The following HVCN1 variants were observed in gnomAD, a reference collection of about 807,000 sequenced individuals.
HVCN1 encodes voltage-gated hydrogen channel 1.
HVCN1 carries 14 observed loss-of-function variants against 29.2 expected under a neutral mutation model. That is an observed-to-expected ratio of 0.48 (90% CI 0.32 to 0.75). The LOEUF is 0.75. HVCN1 is among the 30% of genes least tolerant of loss of function. HVCN1 has a pLI of 0.04. For synonymous variants in HVCN1, 131 were observed against 133.2 expected (o/e 0.98, Z 0.11); for missense variants, 263 against 341.8 (o/e 0.77, Z 1.82).
At chr12:110,683,485 G>A (rs545567892) in intron 2 of HVCN1, among the ~76,000 whole-genome samples, 4 of 152,114 alleles carry the variant, frequency 2.6e-5, no homozygotes, top group Admixed American at 1.3e-4. Flanking sequence ...ATTTGTACAC[G>A]AAAGTTCATA....
At chr12:110,702,973 A>C (rs1439467276) in intron 1 of HVCN1, among the ~76,000 whole-genome samples, 1 of 152,036 alleles carries the variant, frequency 6.6e-6, no homozygotes. Flanking sequence ...TTTTTAGTAG[A>C]GTCAGGGTTT....
At chr12:110,675,413 C>T (rs775461217) in intron 3 of HVCN1, among the ~76,000 whole-genome samples, 6 of 151,482 alleles carry the variant, frequency 4.0e-5, no homozygotes, top group South Asian at 2.1e-4. Flanking sequence ...GAGCCAAGAT[C>T]GTGCCACTGC....
chr12:110,703,426 T>A (rs189277168), intron 1 of HVCN1, among the ~76,000 whole-genome samples: 62 of 151,456 alleles, frequency 4.1e-4, no homozygotes, highest in African/African-American at 1.4e-3. Context: ...TTAAAAAAAA[T>A]TTAAAAAATC....
At chr12:110,671,552 C>T (rs750845347) in intron 3 of HVCN1, among the ~76,000 whole-genome samples, 12 of 152,088 alleles carry the variant, frequency 7.9e-5, no homozygotes, top group African/African-American at 2.7e-4. Context: ...GTTGTTGAAG[C>T]CCCCCAGTTT....
At chr12:110,655,828 C>T (rs2067972293) in intron 4 of HVCN1, among the ~76,000 whole-genome samples, 1 of 152,022 alleles carries the variant, frequency 6.6e-6, no homozygotes, top group African/African-American at 2.4e-5. Flanking sequence ...CTTCAGCCTC[C>T]CGAGTAGCTG....
chr12:110,657,163 G>A (rs2136276507), intron 4 of HVCN1, among the ~76,000 whole-genome samples: 1 of 152,318 alleles, frequency 6.6e-6, no homozygotes, highest in Non-Finnish European at 1.5e-5. Context: ...GAGGGGGAAT[G>A]GGGAGTGACT....
intron 3 of HVCN1, among the ~76,000 whole-genome samples, chr12:110,680,249 A>G (rs990495354): frequency 6.6e-6 from 1 of 152,106 alleles, no homozygotes; most frequent in African/African-American, 2.4e-5. Flanking sequence ...GTGATGACAA[A>G]CAGGCTCCAG....
chr12:110,661,134 C>T lies in HVCN1; in HGVS notation c.306+30G>A, dbSNP rs1484818931. 6 of 1,561,932 alleles carry T rather than the reference C, an allele frequency of 3.8e-6. No homozygotes were observed. Among genetic ancestry groups the T allele is most frequent in the Non-Finnish European group, 5.2e-6 (6 of 1,151,776 alleles). On this transcript the variant is annotated intron_variant, in intron 4 of 7. Transcript: ENST00000242607. This position sits in a 1 kb window ranked among gnomAD's most constrained non-coding sequence, Gnocchi z 6.2. ...TTCCCCGATGGCTCTCCTGCCAGCT[C>T]TGGGTATCCCGGACTCCTGCCCCAC...
intron 3 of HVCN1, among the ~76,000 whole-genome samples, chr12:110,674,674 G>A (rs1276682291): frequency 6.6e-6 from 1 of 152,172 alleles, no homozygotes; most frequent in African/African-American, 2.4e-5. Flanking sequence ...CGGGGTTTCT[G>A]CTTTTGCTTC....
chr12:110,698,880 C>T (rs904356338), intron 2 of HVCN1, among the ~76,000 whole-genome samples: 2 of 152,236 alleles, frequency 1.3e-5, no homozygotes, highest in Admixed American at 6.5e-5. Flanking sequence ...GTAATCCCAA[C>T]GCTTTGGGAG....
Position 110,651,212 on chromosome 12 carries a change from C to A in HVCN1, c.643+5G>T, listed in dbSNP as rs374262901. The A allele has an allele frequency of 6.2e-7, 1 of 1,602,830 alleles. No homozygotes were observed. Among genetic ancestry groups the A allele is most frequent in the East Asian group, 2.2e-5 (1 of 44,834 alleles). On this transcript the variant is annotated splice_donor_5th_base_variant and intron_variant, in intron 6 of 7. Transcript: ENST00000242607. The stretch of plus-strand genomic sequence containing the variant: ...ATCCACAGCCTGGGAGTGCAGGAGA[C>A]GTACCATTGATGATCCGGGCCACCC...
rs1288637912 is a variant in HVCN1, at chr12:110,649,034, T to C, written c.*376A>G. 2.0e-6 allele frequency: 1 copy of C among 494,818 alleles called. No individual in the cohort carries two copies. The highest frequency in any genetic ancestry group is 1.6e-5 in the South Asian group (1 of 62,480). The allele number at this position is 494,818 out of a possible 1,614,324, so 30.7% of individuals were successfully genotyped here. A position where few individuals can be genotyped will look rare whatever the true frequency, so the allele number is the denominator to read the frequency against. On this transcript the variant is annotated 3_prime_UTR_variant, in exon 8 of 8. Coordinates refer to ENST00000242607, the MANE Select transcript of HVCN1 (RefSeq NM_032369.4). ...GGCAGCTAAAGTAGCTTCTTTTTCTTTCTTTCAGAATGCTCAGATGCATCA... is the reference window on the plus strand; with the variant it reads ...GGCAGCTAAAGTAGCTTCTTTTTCTCTCTTTCAGAATGCTCAGATGCATCA...
At chr12:110,671,960 A>G (rs573127730) in intron 3 of HVCN1, among the ~76,000 whole-genome samples, 46 of 152,334 alleles carry the variant, frequency 3.0e-4, no homozygotes, top group African/African-American at 1.0e-3. Flanking sequence ...TGACAGAGGC[A>G]GAGGGAAGTG....
At chr12:110,685,618 G>A (rs756335559) in intron 2 of HVCN1, among the ~76,000 whole-genome samples, 3 of 152,064 alleles carry the variant, frequency 2.0e-5, no homozygotes, top group African/African-American at 7.2e-5. Flanking sequence ...GGACATTTAC[G>A]GTTGTTTCCA....
chr12:110,677,136 T>C lies in HVCN1; in HGVS notation c.21+6089A>G, dbSNP rs527812225. ...AGGCGGATCGCTTGAGCCCAGAATG[T>C]TGAGGCTGCAGTAAGCTGTGATCGT... On this transcript the variant is annotated intron_variant, in intron 3 of 7. Transcript: ENST00000242607. Among the ~76,000 whole-genome samples the C allele has an allele frequency of 3.0e-4, 46 of 152,116 alleles. No homozygotes were observed. The South Asian group carries it at 9.1e-3, about 30-fold the overall frequency.
At chr12:110,696,681 A>G (rs1435896126) in intron 2 of HVCN1, among the ~76,000 whole-genome samples, 2 of 152,080 alleles carry the variant, frequency 1.3e-5, no homozygotes, top group African/African-American at 4.8e-5. Context: ...ATATCATCAT[A>G]TATGGTCTTT....
chr12:110,689,432 C>T (rs1283416663), upstream of HVCN1: 1 of 152,232 alleles, frequency 6.6e-6, no homozygotes, highest in African/African-American at 2.4e-5. The surrounding 1 kb of genome is among the most constrained non-coding windows in gnomAD (Gnocchi z 5.7). Context: ...CCGGGCCAGC[C>T]TAAGGGAAGG....
chr12:110,688,471 C>A, intron 2 of HVCN1, 154 bp downstream of exon 2: 1 of 152,536 alleles, frequency 6.6e-6, no homozygotes. Context: ...GAGTTTGCTT[C>A]CCCGGGGCTC....
chr12:110,657,874 C>T lies in HVCN1; in HGVS notation c.307-2536G>A, dbSNP rs970452218. ...CTGGCAAAGACTGCAGAGTCCGTGCCGTGGGGCGGCCAGTCCTGGGCTCAG... is the reference window on the plus strand; with the variant it reads ...CTGGCAAAGACTGCAGAGTCCGTGCTGTGGGGCGGCCAGTCCTGGGCTCAG... On this transcript the variant is annotated intron_variant, in intron 4 of 7. Coordinates refer to ENST00000242607, the MANE Select transcript of HVCN1 (RefSeq NM_032369.4). Among the ~76,000 whole-genome samples, 16 of 152,194 alleles carry T rather than the reference C, an allele frequency of 1.1e-4. No homozygotes were observed. The South Asian group carries it at 1.9e-3, about 18-fold the overall frequency.
Sources: allele counts gnomAD v4.1 joint callset (sites outside exome capture counted in the v4.1 genomes callset), GRCh38; gene constraint gnomAD v4.1.1; non-coding constraint Gnocchi (gnomAD v3.1); transcripts MANE v1.5; gene names NCBI Gene and HGNC (gene_info 2026-07-23, HGNC 2026-07-21).